RDH8: variants seen among roughly 807,000 people sequenced by gnomAD.
RDH8 encodes the protein photoreceptor outer segment all-trans retinol dehydrogenase.
Under a neutral mutation model 22.3 loss-of-function variants are expected in RDH8, and 14 were observed. That is an observed-to-expected ratio of 0.63 (90% CI 0.42 to 0.98). RDH8 has a LOEUF of 0.98. RDH8 is among the 50% of genes least tolerant of loss of function. The pLI is 0.00. For missense variants in RDH8, 389 were observed against 409.8 expected (o/e 0.95, Z 0.44); for synonymous variants, 175 against 171.7 (o/e 1.02, Z -0.15).
Position 10,021,794 on chromosome 19 carries a change from C to T in RDH8, c.*45C>T, listed in dbSNP as rs765742433. ...TCCCCATCCCTGAACAACCAGACCT[C>T]TTCATTCCACATCTAATTCAAAGGA... On this transcript the variant is annotated 3_prime_UTR_variant, in exon 6 of 6. Transcript: ENST00000591589. The T allele has an allele frequency of 1.3e-6, 2 of 1,554,280 alleles. No homozygotes were observed. The highest frequency in any genetic ancestry group is 1.8e-6 in the Non-Finnish European group (2 of 1,132,860).
intron 1 of RDH8, among the ~76,000 whole-genome samples, chr19:10,014,663 C>T (rs1029527154): frequency 8.6e-5 from 13 of 152,042 alleles, no homozygotes; most frequent in Admixed American, 1.3e-4. Context: ...CTTGACCTCC[C>T]GAGTTTCTGG....
In RDH8 at chr19:10,015,964, A is replaced by AT. The variant is rs1263831864; in HGVS notation, c.104-1093_104-1092insT. On this transcript the variant is annotated intron_variant, in intron 1 of 5. Coordinates refer to ENST00000591589, the MANE Select transcript of RDH8 (RefSeq NM_015725.4). ...AGAGTGAAACTTCGTCTCAAAAAAA[A>AT]AATATATATATATATATGGCTATTC... Among the ~76,000 whole-genome samples, 230 of 151,576 alleles carry AT rather than the reference A, an allele frequency of 1.5e-3. 2 individuals are homozygous for AT. Among genetic ancestry groups the AT allele is most frequent in the African/African-American group, 4.8e-3 (197 of 41,190 alleles).
At position 10,021,303 on chromosome 19, in the gene RDH8, G is replaced by A. The variant is rs753736931; in HGVS notation, c.585G>A (p.Lys195=). Reference sequence around the variant, plus strand: ...CCGTGGTCACCGAGTTTGAGGGGAAGCTTCTGGCGCAGGTTTCTATGGCTG... The same window carrying A: ...CCGTGGTCACCGAGTTTGAGGGGAAACTTCTGGCGCAGGTTTCTATGGCTG... ...PGPVVTEFEG[K]LLAQVSMAEF... The change falls in exon 5 of 6, where the codon AAG becomes AAA. Residue 195 remains lysine, a synonymous_variant. Coordinates refer to ENST00000591589, the MANE Select transcript of RDH8 (RefSeq NM_015725.4). The A allele has an allele frequency of 8.0e-5, 129 of 1,614,004 alleles. No homozygotes were observed. The highest frequency in any genetic ancestry group is 1.1e-4 in the Non-Finnish European group (128 of 1,180,016).
chr19:10,016,977 G>T, intron 1 of RDH8, 80 bp from the exon 2 acceptor site: 1 of 1,349,510 alleles, frequency 7.4e-7, no homozygotes, highest in Non-Finnish European at 9.7e-7. Flanking sequence ...GACTTGTAAC[G>T]CAAGATCACA....
intron 2 of RDH8, among the ~76,000 whole-genome samples, chr19:10,017,846 G>T (rs377214695): frequency 6.6e-6 from 1 of 151,690 alleles, no homozygotes; most frequent in East Asian, 2.0e-4. Context: ...AGGTTTCACC[G>T]TGTTGGTCAG....
rs1430998569 is a variant in RDH8 at position 10,021,301 on chromosome 19, A to C, written c.583A>C (p.Lys195Gln). The C allele has an allele frequency of 6.2e-7, 1 of 1,613,946 alleles. No individual in the cohort carries two copies. The highest frequency in any genetic ancestry group is 1.1e-5 in the South Asian group (1 of 91,080). The change falls in exon 5 of 6, where the codon AAG becomes CAG. Residue 195 changes from lysine to glutamine, a missense_variant. Lys to Gln is a moderately conservative substitution (Grantham distance 53, BLOSUM62 1). Transcript: ENST00000591589. ...CCCCGTGGTCACCGAGTTTGAGGGG[A>C]AGCTTCTGGCGCAGGTTTCTATGGC... is the stretch of plus-strand genomic sequence containing the variant. Reference protein sequence around the residue: ...PGPVVTEFEGKLLAQVSMAEF... With the variant: ...PGPVVTEFEGQLLAQVSMAEF...
Position 10,021,333 on chromosome 19 carries a change from C to A in RDH8, c.615C>A (p.Phe205Leu). 1 of 1,613,988 alleles carries A rather than the reference C, an allele frequency of 6.2e-7. No homozygotes were observed. Residue 205 changes from phenylalanine (F) to leucine (L), a missense_variant, in exon 5 of 6, where the codon TTC becomes TTA. By Grantham distance (22) the Phe-to-Leu change is conservative. Coordinates refer to ENST00000591589, the MANE Select transcript of RDH8 (RefSeq NM_015725.4). ...KLLAQVSMAE[F>L]PGTDPETLHY... is the part of the protein sequence containing the mutation. The stretch of plus-strand genomic sequence containing the variant: ...TGGCGCAGGTTTCTATGGCTGAGTT[C>A]CCAGGCACTGACCCTGAGACCCTGC...
At chr19:10,019,240 G>A (rs974953765) in intron 3 of RDH8, among the ~76,000 whole-genome samples, 2 of 152,056 alleles carry the variant, frequency 1.3e-5, no homozygotes, top group Non-Finnish European at 2.9e-5. Flanking sequence ...GTAGGTTGCA[G>A]TGAGCCAAGA....
intron 2 of RDH8, 43 bp downstream of exon 2, chr19:10,017,258 C>A: frequency 6.6e-7 from 1 of 1,525,342 alleles, no homozygotes; most frequent in South Asian, 1.3e-5. Flanking sequence ...CCATCCTGGT[C>A]TGAGTATAGA....
In RDH8 at chr19:10,021,381, C is replaced by G; in HGVS notation, c.663C>G (p.Leu221=). 1.2e-6 allele frequency: 2 copies of G among 1,614,078 alleles called. No individual in the cohort carries two copies. The highest frequency in any genetic ancestry group is 1.7e-6 in the Non-Finnish European group (2 of 1,180,028). ...ETLHYFRDLY[L]PASRKLFCSV... is the part of the protein sequence containing the mutation. The stretch of plus-strand genomic sequence containing the variant: ...TGCACTACTTCCGGGACCTCTATCT[C>G]CCAGCCTCCAGGAAGCTGTTTTGCT... Residue 221 remains leucine, a synonymous_variant, in exon 5 of 6, where the codon CTC becomes CTG. Transcript: ENST00000591589.
rs2087656426 is a variant in RDH8, at chr19:10,021,270, G to A, written c.552G>A (p.Glu184=). 1 of 1,614,108 alleles carries A rather than the reference G, an allele frequency of 6.2e-7. No homozygotes were observed. The highest frequency in any genetic ancestry group is 8.5e-7 in the Non-Finnish European group (1 of 1,180,014). ...TGGTCGCCAGCATCTCCCTGGTGGAGCCAGGCCCCGTGGTCACCGAGTTTG... is the reference window on the plus strand; with the variant it reads ...TGGTCGCCAGCATCTCCCTGGTGGAACCAGGCCCCGTGGTCACCGAGTTTG... ...LQFNIFISLV[E]PGPVVTEFEG... is the part of the protein sequence containing the mutation. Residue 184 remains glutamate, a synonymous_variant, in exon 5 of 6, where the codon GAG becomes GAA. Coordinates refer to ENST00000591589, the MANE Select transcript of RDH8 (RefSeq NM_015725.4).
intron 1 of RDH8, among the ~76,000 whole-genome samples, chr19:10,015,996 G>A (rs2087611551): frequency 6.6e-6 from 1 of 151,474 alleles, no homozygotes; most frequent in Non-Finnish European, 1.5e-5. Context: ...ATTCACTTCA[G>A]TGTTCATATA....
In RDH8 at chr19:10,018,763, C is replaced by T. The variant is rs759855127; in HGVS notation, c.295C>T (p.Leu99=). 6.2e-7 allele frequency: 1 copy of T among 1,612,754 alleles called. No homozygotes were observed. The highest frequency in any genetic ancestry group is 8.5e-7 in the Non-Finnish European group (1 of 1,179,130). ...NNAGMGLVGP[L]EGLSLAAMQN... is the part of the protein sequence containing the mutation. The stretch of plus-strand genomic sequence containing the variant: ...TGCTGGAATGGGCCTGGTGGGGCCC[C>T]TGGAGGGGCTCAGCCTTGCTGCCAT... The change falls in exon 3 of 6, where the codon CTG becomes TTG. Residue 99 remains leucine, a synonymous_variant. Coordinates refer to ENST00000591589, the MANE Select transcript of RDH8 (RefSeq NM_015725.4).
At chr19:10,015,888 G>A (rs964348980) in intron 1 of RDH8, among the ~76,000 whole-genome samples, 1 of 151,676 alleles carries the variant, frequency 6.6e-6, no homozygotes. Context: ...GGAGGTGGAG[G>A]TTGCAGTGAG....
At chr19:10,013,787 A>G (rs2145162888) in intron 1 of RDH8, among the ~76,000 whole-genome samples, 187 bp downstream of exon 1, 1 of 152,256 alleles carries the variant, frequency 6.6e-6, no homozygotes, top group South Asian at 2.1e-4. Context: ...TGCTGGCAAC[A>G]CAACTGGAGA....
At chr19:10,014,728 G>A (rs2087596624) in intron 1 of RDH8, among the ~76,000 whole-genome samples, 1 of 152,036 alleles carries the variant, frequency 6.6e-6, no homozygotes, top group East Asian at 1.9e-4. Flanking sequence ...TAATAGACAA[G>A]GTTTCACCAT....
intron 1 of RDH8, among the ~76,000 whole-genome samples, chr19:10,014,938 C>G (rs1644726): frequency 0.49 from 75,012 of 151,972 alleles, 18,726 homozygotes; most frequent in South Asian, 0.68. Flanking sequence ...TGAACTCAGG[C>G]AGCCCATCCC....
chr19:10,019,553 CTT>C (rs2087642762), intron 3 of RDH8, among the ~76,000 whole-genome samples: 1 of 152,086 alleles, frequency 6.6e-6, no homozygotes, highest in South Asian at 2.1e-4. Flanking sequence ...AATCCCAACA[CTT>C]TGGGAGGCCG....
intron 1 of RDH8, among the ~76,000 whole-genome samples, chr19:10,014,739 G>A (rs2087596753): frequency 6.6e-6 from 1 of 152,114 alleles, no homozygotes; most frequent in Non-Finnish European, 1.5e-5. Flanking sequence ...GTTTCACCAT[G>A]TTGGCCAGAC....
Sources: allele counts gnomAD v4.1 joint callset (sites outside exome capture counted in the v4.1 genomes callset), GRCh38; gene constraint gnomAD v4.1.1; transcripts MANE v1.5; gene names NCBI Gene and HGNC (gene_info 2026-07-23, HGNC 2026-07-21).